Variants in TBCK observed in about 807,000 individuals in gnomAD.
The protein encoded by TBCK is TBC domain-containing protein kinase-like protein.
TBCK carries 99 observed loss-of-function variants against 113.4 expected under a neutral mutation model. The ratio of observed to expected loss-of-function variants is 0.87; its 90% CI spans 0.74 to 1.03. The LOEUF (loss-of-function observed/expected upper bound fraction) is 1.03, where lower values mean the gene tolerates loss of function less well. TBCK is among the 50% of genes least tolerant of loss of function. The pLI is 0.00. For missense variants in TBCK, 1,045 were observed against 1,061.3 expected (o/e 0.98, Z 0.21); for synonymous variants, 369 against 370.8 (o/e 1.00, Z 0.05).
chr4:106,142,947 T>C (rs544464495), intron 23 of TBCK, among the ~76,000 whole-genome samples: 1 of 152,340 alleles, frequency 6.6e-6, no homozygotes, highest in South Asian at 2.1e-4. Flanking sequence ...TGTCAAGGCA[T>C]AGCCCTGATG....
rs1195816822 is a variant in TBCK at position 106,295,121 on chromosome 4, T to A, written c.239A>T (p.Asp80Val). 1 of 1,613,644 alleles carries A rather than the reference T, an allele frequency of 6.2e-7. No individual in the cohort carries two copies. The highest frequency in any genetic ancestry group is 2.2e-5 in the East Asian group (1 of 44,844). ...VAEHCERSLE[D>V]LLRERKPVSC... ...CACAGGTTTCCTTTCTCGAAGCAAG[T>A]CTTCCAGACTACGTTCACAATGTTC... is the stretch of plus-strand genomic sequence containing the variant. Residue 80 changes from aspartate to valine, a missense_variant, in exon 3 of 26, where the codon GAC (aspartate) becomes GTC (valine). Transcript: ENST00000394708.
chr4:106,188,291 T>C (rs1753268262), intron 22 of TBCK, among the ~76,000 whole-genome samples: 1 of 152,214 alleles, frequency 6.6e-6, no homozygotes, highest in Admixed American at 6.5e-5. Flanking sequence ...TTGCAATATC[T>C]ATCAGCAGTA....
chr4:106,143,948 A>T (rs1158339345), intron 23 of TBCK, among the ~76,000 whole-genome samples: 1 of 151,864 alleles, frequency 6.6e-6, no homozygotes, highest in Non-Finnish European at 1.5e-5. Context: ...CAAAACCCGC[A>T]ATTACTCTTG....
At chr4:106,119,871 C>T (rs571584963) in intron 23 of TBCK, among the ~76,000 whole-genome samples, 1 of 152,016 alleles carries the variant, frequency 6.6e-6, no homozygotes, top group Non-Finnish European at 1.5e-5. Flanking sequence ...CAAGAGAAAA[C>T]ATACAAATGG....
intron 19 of TBCK, among the ~76,000 whole-genome samples, chr4:106,218,117 G>A (rs1191353021): frequency 2.1e-5 from 3 of 145,654 alleles, no homozygotes; most frequent in Non-Finnish European, 4.5e-5. Context: ...AAGCAATGGG[G>A]AAAGGATTCC....
At chr4:106,197,409 G>GTATA (rs750387268) in intron 20 of TBCK, among the ~76,000 whole-genome samples, 182 of 77,124 alleles carry the variant, frequency 2.4e-3, no homozygotes, top group Middle Eastern at 7.9e-3. Flanking sequence ...GTGTGTGTGT[G>GTATA]TGTATATATA....
intron 5 of TBCK, among the ~76,000 whole-genome samples, chr4:106,254,177 A>G (rs1761731480): frequency 6.6e-6 from 1 of 152,160 alleles, no homozygotes; most frequent in South Asian, 2.1e-4. Context: ...CTTGTCACAC[A>G]GGCACTCTCT....
intron 20 of TBCK, among the ~76,000 whole-genome samples, chr4:106,204,776 T>TTTTTTTTTTA (rs1755266573): frequency 7.4e-6 from 1 of 135,560 alleles, no homozygotes. Flanking sequence ...TTTTTTTTTT[T>TTTTTTTTTTA]GAGACGGAGT....
intron 22 of TBCK, among the ~76,000 whole-genome samples, chr4:106,180,944 G>A (rs1752291680): frequency 1.3e-5 from 2 of 151,748 alleles, no homozygotes; most frequent in Non-Finnish European, 2.9e-5. Context: ...CTAGATCCTT[G>A]AGGAATCGCC....
Position 106,132,614 on chromosome 4 carries a change from T to C in TBCK, c.2236-16236A>G, listed in dbSNP as rs183068091. Among the ~76,000 whole-genome samples the C allele has an allele frequency of 8.7e-4, 133 of 152,290 alleles. 3 individuals are homozygous for C. The highest frequency in any genetic ancestry group is 8.0e-3 in the Admixed American group (123 of 15,298). On this transcript the variant is annotated intron_variant, in intron 23 of 25. Transcript: ENST00000394708. Reference sequence around the variant, plus strand: ...GGCCACAGTCCTCCAAATCTGAGAATGGTAGATCCACTGAGAGCTTGCACT... The same window carrying C: ...GGCCACAGTCCTCCAAATCTGAGAACGGTAGATCCACTGAGAGCTTGCACT...
chr4:106,119,482 C>A (rs1463505397), intron 23 of TBCK, among the ~76,000 whole-genome samples: 1 of 151,708 alleles, frequency 6.6e-6, no homozygotes, highest in Non-Finnish European at 1.5e-5. Flanking sequence ...GAAACTAGAC[C>A]CCTATCTCTT....
intron 23 of TBCK, among the ~76,000 whole-genome samples, chr4:106,160,470 A>AT (rs1749639650): frequency 6.6e-6 from 1 of 151,978 alleles, no homozygotes; most frequent in African/African-American, 2.4e-5. Context: ...TCCAGAGAAG[A>AT]TATACAAATG....
At chr4:106,231,595 A>ATAT (rs1758862971) in intron 18 of TBCK, 134 bp downstream of exon 18, 1 of 722,692 alleles carries the variant, frequency 1.4e-6, no homozygotes, top group African/African-American at 1.8e-5. Flanking sequence ...AAATGAGTCT[A>ATAT]TAATAGATTA....
chr4:106,282,656 T>C (rs983648008), intron 3 of TBCK, among the ~76,000 whole-genome samples: 2 of 152,168 alleles, frequency 1.3e-5, no homozygotes, highest in Non-Finnish European at 2.9e-5. Flanking sequence ...TCTTCATTTC[T>C]TTATTGACCC....
intron 19 of TBCK, among the ~76,000 whole-genome samples, chr4:106,215,892 C>T (rs1262431376): frequency 3.3e-5 from 5 of 151,540 alleles, no homozygotes; most frequent in African/African-American, 4.9e-5. Flanking sequence ...GAACTCTCCA[C>T]CCCAAATCAA....
chr4:106,310,951 A>T (rs1299399780), intron 1 of TBCK, among the ~76,000 whole-genome samples: 2 of 152,188 alleles, frequency 1.3e-5, no homozygotes, highest in Non-Finnish European at 2.9e-5. Flanking sequence ...TATACAAAAG[A>T]ATAAAGAGAA....
At chr4:106,268,113 T>C (rs941178196) in intron 3 of TBCK, among the ~76,000 whole-genome samples, 1 of 152,066 alleles carries the variant, frequency 6.6e-6, no homozygotes, top group African/African-American at 2.4e-5. Flanking sequence ...GGGGTCCCTG[T>C]TCTCTAAGCC....
intron 25 of TBCK, among the ~76,000 whole-genome samples, chr4:106,068,394 A>G (rs989174202): frequency 6.6e-6 from 1 of 152,044 alleles, no homozygotes; most frequent in African/African-American, 2.4e-5. Context: ...GAGTGAGAAC[A>G]TGTGGTGTTT....
At position 106,244,744 on chromosome 4, in the gene TBCK, C is replaced by A. The variant is rs1253873528; in HGVS notation, c.952G>T (p.Ala318Ser). 6.3e-7 allele frequency: 1 copy of A among 1,589,648 alleles called. No individual in the cohort carries two copies. Among genetic ancestry groups the A allele is most frequent in the Non-Finnish European group, 8.6e-7 (1 of 1,166,232 alleles). ...TACACTTCTTCAATAGATCTTTCTG[C>A]CAGGTAATCATTATTTATATCTATT... ...LCKDINNDYL[A>S]ERSIEEVYYL... Residue 318 changes from alanine (A) to serine (S), a missense_variant, in exon 11 of 26, where the codon GCA becomes TCA. Physicochemically the swap from Ala to Ser is moderately conservative, Grantham distance 99. Coordinates refer to ENST00000394708, the MANE Select transcript of TBCK (RefSeq NM_001163435.3).
Sources: gnomAD v4.1 joint callset for allele counts (sites outside exome capture counted in the v4.1 genomes callset) on GRCh38, gnomAD v4.1.1 for gene constraint, MANE v1.5 for transcripts, NCBI Gene and HGNC (gene_info 2026-07-23, HGNC 2026-07-21) for gene names.